The following UGT1A9 variants were observed in gnomAD, a reference collection of about 807,000 sequenced individuals.
UGT1A9 encodes the protein UDP glucuronosyltransferase family 1 member A9, also known as UDP-glucuronosyltransferase 1A9.
UGT1A9 carries 35 observed loss-of-function variants against 45.0 expected under a neutral mutation model. That is an observed-to-expected ratio of 0.78 (90% CI 0.59 to 1.03). UGT1A9 has a LOEUF of 1.03. UGT1A9 is among the 50% of genes least tolerant of loss of function. The pLI, the probability that UGT1A9 is intolerant of heterozygous loss-of-function variation, is 0.00. For synonymous variants in UGT1A9, 278 were observed against 250.6 expected (o/e 1.11, Z -1.03); for missense variants, 687 against 666.6 (o/e 1.03, Z -0.34).
At chr2:233,767,621 C>T (rs149525417) in intron 2 of UGT1A9, among the ~76,000 whole-genome samples, 1 of 152,276 alleles carries the variant, frequency 6.6e-6, no homozygotes, top group African/African-American at 2.4e-5. Flanking sequence ...AAGTGCACAG[C>T]TTGATAAATT....
At chr2:233,752,037 A>G (rs1331054991) in intron 1 of UGT1A9, among the ~76,000 whole-genome samples, 2 of 152,222 alleles carry the variant, frequency 1.3e-5, no homozygotes, top group Non-Finnish European at 2.9e-5. Context: ...TAGAAAGGTA[A>G]GCTGTTGTGT....
At chr2:233,702,369 G>A (rs116955810) in intron 1 of UGT1A9, among the ~76,000 whole-genome samples, 2,669 of 151,968 alleles carry the variant, frequency 0.018, 42 homozygotes, top group East Asian at 0.042. Context: ...AGTGGATTTC[G>A]TAGGATTTTC....
At chr2:233,720,365 G>A (rs920594093) in intron 1 of UGT1A9, among the ~76,000 whole-genome samples, 1 of 152,064 alleles carries the variant, frequency 6.6e-6, no homozygotes, top group Admixed American at 6.5e-5. Flanking sequence ...ATGTCAAAAG[G>A]GTCTTCTACT....
intron 2 of UGT1A9, among the ~76,000 whole-genome samples, chr2:233,767,607 T>A (rs990795456): frequency 1.3e-5 from 2 of 152,144 alleles, no homozygotes; most frequent in African/African-American, 4.8e-5. Flanking sequence ...AGTGAAAAAA[T>A]CCTAAGTGCA....
At position 233,681,928 on chromosome 2, in the gene UGT1A9, A is replaced by C. The variant is rs758972626; in HGVS notation, c.855+9139A>C. 3.7e-6 allele frequency: 6 copies of C among 1,610,014 alleles called. No individual in the cohort carries two copies. In the African/African-American group the frequency reaches 8.0e-5, roughly 22 times the overall value. ...AATCCCAGCTGCTGGCTCTGGGCTG[A>C]AGTTCTCTGATGGCTCGTGCAGGGT... On this transcript the variant is annotated intron_variant, in intron 1 of 4. Coordinates refer to ENST00000354728, the MANE Select transcript of UGT1A9 (RefSeq NM_021027.3).
At position 233,694,150 on chromosome 2, in the gene UGT1A9, C is replaced by T. The variant is rs2075202276; in HGVS notation, c.855+21361C>T. On this transcript the variant is annotated intron_variant, in intron 1 of 4. Transcript: ENST00000354728. ...CTCATTGAATGAGCCTTAGAAATGT[C>T]CCAGTTCAAACAGAGGTGAAGGCTT... Among the ~76,000 whole-genome samples the T allele has an allele frequency of 1.3e-5, 2 of 152,122 alleles. 1 individual carries two copies. Among genetic ancestry groups the T allele is most frequent in the South Asian group, 4.1e-4 (2 of 4,826 alleles).
chr2:233,724,295 C>T (rs2077211883), intron 1 of UGT1A9, among the ~76,000 whole-genome samples: 1 of 145,404 alleles, frequency 6.9e-6, no homozygotes, highest in Non-Finnish European at 1.5e-5. Context: ...GGGCTGACCC[C>T]CCCACCTCCC....
intron 1 of UGT1A9, chr2:233,713,099 T>C (rs1323075869): frequency 1.2e-6 from 2 of 1,614,072 alleles, no homozygotes; most frequent in Admixed American, 1.7e-5. Flanking sequence ...TGGTGCCCAC[T>C]GATGGCAGCC....
intron 1 of UGT1A9, chr2:233,756,060 G>T (rs1357944453): frequency 6.6e-6 from 1 of 152,200 alleles, no homozygotes; most frequent in African/African-American, 2.4e-5. Flanking sequence ...CTGTACACTT[G>T]TGGGAGAATG....
chr2:233,748,172 T>C, intron 1 of UGT1A9: 1 of 1,584,752 alleles, frequency 6.3e-7, no homozygotes, highest in East Asian at 2.2e-5. Flanking sequence ...TCTACTTATC[T>C]TTCTGGTGCT....
intron 1 of UGT1A9, chr2:233,719,515 C>G (rs764297894): frequency 6.2e-7 from 1 of 1,613,842 alleles, no homozygotes; most frequent in Non-Finnish European, 8.5e-7. Context: ...GCCCCTTATG[C>G]AAGTCTTGCC....
At chr2:233,682,259 C>T (rs201200762) in intron 1 of UGT1A9, 3 of 1,614,054 alleles carry the variant, frequency 1.9e-6, no homozygotes, top group African/African-American at 1.3e-5. Context: ...TGCATTTTCT[C>T]TATTAACAAG....
chr2:233,751,343 TTTTGA>T lies in UGT1A9; in HGVS notation c.856-15687_856-15683del, dbSNP rs1694706279. Among the ~76,000 whole-genome samples the T allele has an allele frequency of 2.0e-5, 3 of 150,848 alleles. No homozygotes were observed. In the South Asian group the frequency reaches 6.2e-4, roughly 31 times the overall value. ...ACCCCCATTGTGTCTTGGAAGTTAC[TTTTGA>T]TTTTACAGGCTCATGGGGGAAGGGA... On this transcript the variant is annotated intron_variant, in intron 1 of 4. Coordinates refer to ENST00000354728, the MANE Select transcript of UGT1A9 (RefSeq NM_021027.3).
At chr2:233,754,114 G>A (rs1442882252) in intron 1 of UGT1A9, among the ~76,000 whole-genome samples, 1 of 152,128 alleles carries the variant, frequency 6.6e-6, no homozygotes, top group Non-Finnish European at 1.5e-5. Flanking sequence ...CCTACATCAC[G>A]AGCATTTATG....
At chr2:233,721,693 G>A (rs905890959) in intron 1 of UGT1A9, 13 of 351,018 alleles carry the variant, frequency 3.7e-5, no homozygotes, top group African/African-American at 6.4e-5. Context: ...TCTGCAAGAC[G>A]CATGGCTCAT....
rs1699877276 is a variant in UGT1A9, at chr2:233,769,473, G to T, written c.1295+1034G>T. 7 of 1,609,972 alleles carry T rather than the reference G, an allele frequency of 4.3e-6. No homozygotes were observed. Among genetic ancestry groups the T allele is most frequent in the South Asian group, 2.2e-5 (2 of 90,952 alleles). On this transcript the variant is annotated intron_variant, in intron 4 of 4. Transcript: ENST00000354728. The surrounding 1 kb of genome is among the most constrained non-coding windows in gnomAD (Gnocchi z 4.4). ...CGTGTGCATTCATATGCGTGTGTGT[G>T]TGTGTGCGTGTGTTTATGAGAGTGT... is the stretch of plus-strand genomic sequence containing the variant.
intron 1 of UGT1A9, among the ~76,000 whole-genome samples, chr2:233,696,681 G>A (rs1297027758): frequency 6.6e-6 from 1 of 152,194 alleles, no homozygotes; most frequent in Non-Finnish European, 1.5e-5. Flanking sequence ...AGTGCTGACA[G>A]TCAGCATCTT....
intron 1 of UGT1A9, among the ~76,000 whole-genome samples, chr2:233,696,034 T>C (rs2075319099): frequency 6.6e-6 from 1 of 152,154 alleles, no homozygotes; most frequent in Admixed American, 6.5e-5. Flanking sequence ...AGTCCCTAAT[T>C]TACATTTGAA....
At chr2:233,724,493 G>A (rs1411892457) in intron 1 of UGT1A9, among the ~76,000 whole-genome samples, 16 of 76,170 alleles carry the variant, frequency 2.1e-4, no homozygotes, top group South Asian at 6.4e-4. Flanking sequence ...CGGGGCGGCC[G>A]GGCAGAGACG....
Sources: gnomAD v4.1 joint callset for allele counts (sites outside exome capture counted in the v4.1 genomes callset) on GRCh38, gnomAD v4.1.1 for gene constraint, Gnocchi (gnomAD v3.1) non-coding constraint, MANE v1.5 for transcripts, NCBI Gene and HGNC (gene_info 2026-07-23, HGNC 2026-07-21) for gene names.